Variants in DCDC2C observed in about 807,000 individuals in gnomAD.
DCDC2C encodes the protein doublecortin domain containing 2C.
A neutral mutation model predicts 45.0 loss-of-function variants in DCDC2C; 44 were observed. The ratio of observed to expected loss-of-function variants is 0.98; its 90% confidence interval spans 0.77 to 1.26. The LOEUF (loss-of-function observed/expected upper bound fraction) is 1.26. DCDC2C is among the 50% of genes most tolerant of loss of function. DCDC2C has a pLI of 0.00. For synonymous variants in DCDC2C, 187 were observed against 178.8 expected (o/e 1.05, Z -0.37); for missense variants, 447 against 468.9 (o/e 0.95, Z 0.43).
intron 9 of DCDC2C, among the ~76,000 whole-genome samples, chr2:3,779,197 A>G (rs148742082): frequency 2.9e-3 from 437 of 152,358 alleles, no homozygotes; most frequent in African/African-American, 9.7e-3. Context: ...GGGAACGTCC[A>G]GGGAGGTGAA....
intron 4 of DCDC2C, among the ~76,000 whole-genome samples, chr2:3,750,694 C>T (rs570194754): frequency 2.6e-4 from 40 of 152,234 alleles, no homozygotes; most frequent in East Asian, 9.6e-4. Flanking sequence ...AGATGTCTGC[C>T]GGCGAGTTTT....
At chr2:3,735,163 G>A (rs575600067) in intron 3 of DCDC2C, among the ~76,000 whole-genome samples, 2 of 152,054 alleles carry the variant, frequency 1.3e-5, no homozygotes, top group South Asian at 2.1e-4. Context: ...GCCACTCCAC[G>A]GTCCTTTTTG....
At chr2:3,815,527 T>C (rs11903032) in intron 10 of DCDC2C, among the ~76,000 whole-genome samples, 31,820 of 152,162 alleles carry the variant, frequency 0.21, 3,834 homozygotes, top group African/African-American at 0.33. Flanking sequence ...TTTGGGATTT[T>C]CTACTTAGAC....
At chr2:3,710,918 G>A (rs1170436226) in intron 2 of DCDC2C, among the ~76,000 whole-genome samples, 5 of 152,188 alleles carry the variant, frequency 3.3e-5, no homozygotes, top group Non-Finnish European at 7.3e-5. Flanking sequence ...TGCAATGAAT[G>A]TATGAGTGCA....
chr2:3,820,196 A>G (rs1450638982), intron 10 of DCDC2C, among the ~76,000 whole-genome samples: 2 of 152,146 alleles, frequency 1.3e-5, no homozygotes, highest in Non-Finnish European at 2.9e-5. Flanking sequence ...GGTCTTATAA[A>G]ATGGAGAAAT....
chr2:3,760,513 T>A (rs954568798), intron 6 of DCDC2C, among the ~76,000 whole-genome samples: 43 of 152,212 alleles, frequency 2.8e-4, no homozygotes, highest in African/African-American at 7.7e-4. Context: ...AAAGAATGAG[T>A]TTATGTTCTT....
chr2:3,781,761 C>T (rs1192863326), intron 9 of DCDC2C, among the ~76,000 whole-genome samples: 3 of 152,002 alleles, frequency 2.0e-5, no homozygotes, highest in African/African-American at 7.2e-5. Context: ...TCCCAGCTCC[C>T]TGGGAGGCTG....
intron 9 of DCDC2C, among the ~76,000 whole-genome samples, chr2:3,784,189 C>T (rs1258489451): frequency 1.3e-5 from 2 of 152,120 alleles, no homozygotes; most frequent in Non-Finnish European, 2.9e-5. Context: ...ATTTGTTTTA[C>T]AACATTCCTC....
intron 4 of DCDC2C, among the ~76,000 whole-genome samples, chr2:3,747,952 G>T (rs537660855): frequency 6.6e-6 from 1 of 152,282 alleles, no homozygotes; most frequent in East Asian, 1.9e-4. Flanking sequence ...CGACATTTGA[G>T]AACACATCTG....
intron 10 of DCDC2C, among the ~76,000 whole-genome samples, chr2:3,833,435 G>A (rs1672000400): frequency 1.3e-5 from 2 of 152,170 alleles, no homozygotes; most frequent in South Asian, 4.2e-4. Flanking sequence ...ACACAAGTAG[G>A]TCTTTCATTT....
At chr2:3,747,230 C>A (rs1396053228) in intron 4 of DCDC2C, among the ~76,000 whole-genome samples, 1 of 152,222 alleles carries the variant, frequency 6.6e-6, no homozygotes, top group African/African-American at 2.4e-5. Flanking sequence ...GAGCTTCCCG[C>A]CTCGGTTTCT....
chr2:3,804,272 T>C (rs1479526599), intron 10 of DCDC2C, among the ~76,000 whole-genome samples: 1 of 152,236 alleles, frequency 6.6e-6, no homozygotes, highest in East Asian at 1.9e-4. Flanking sequence ...GTTTTCAGCC[T>C]CTGCAATGGA....
At chr2:3,704,064 G>A (rs2148031989) in intron 1 of DCDC2C, 26 bp downstream of exon 1, 4 of 1,243,318 alleles carry the variant, frequency 3.2e-6, no homozygotes, top group South Asian at 3.4e-5. Flanking sequence ...CCCCCCACGC[G>A]CCCTGCGCCC....
chr2:3,773,148 G>T (rs1200751655), intron 8 of DCDC2C, among the ~76,000 whole-genome samples: 1 of 152,150 alleles, frequency 6.6e-6, no homozygotes, highest in Non-Finnish European at 1.5e-5. Context: ...AGAGGGACAG[G>T]GTTTCGGGGT....
At chr2:3,792,716 AG>A (rs752246271) in intron 10 of DCDC2C, among the ~76,000 whole-genome samples, 43 of 152,148 alleles carry the variant, frequency 2.8e-4, no homozygotes, top group Non-Finnish European at 8.8e-5. Context: ...ACACTCTGTG[AG>A]GGTACTTTTA....
intron 10 of DCDC2C, among the ~76,000 whole-genome samples, chr2:3,816,888 C>T (rs948241364): frequency 6.6e-6 from 1 of 152,146 alleles, no homozygotes; most frequent in African/African-American, 2.4e-5. Flanking sequence ...AAGTGATTTC[C>T]TTGAGGATAG....
chr2:3,798,883 C>T lies in DCDC2C; in HGVS notation c.1065+13783C>T, dbSNP rs532635073. On this transcript the variant is annotated intron_variant, in intron 10 of 10. Transcript: ENST00000399143. ...CTCTTCTTGAGGAGTATCTTTGTGG[C>T]ATTCTCTGTATTTCCTGAATCTGAA... 6.8e-3 allele frequency among the ~76,000 whole-genome samples: 1,031 copies of T among 152,076 alleles called. 3 individuals are homozygous for T. The highest frequency in any genetic ancestry group is 0.024 in the African/African-American group (978 of 41,442).
intron 10 of DCDC2C, among the ~76,000 whole-genome samples, chr2:3,815,767 C>T (rs1671541958): frequency 6.6e-6 from 1 of 152,138 alleles, no homozygotes; most frequent in African/African-American, 2.4e-5. Flanking sequence ...AGTGGGGGAG[C>T]TTCTGAGCCA....
chr2:3,774,342 C>T (rs746205627), intron 8 of DCDC2C, among the ~76,000 whole-genome samples: 11 of 152,348 alleles, frequency 7.2e-5, no homozygotes, highest in East Asian at 1.9e-4. Context: ...CAATCAGGAA[C>T]GTTTATCAGG....
Sources: allele counts gnomAD v4.1 joint callset (sites outside exome capture counted in the v4.1 genomes callset), GRCh38; gene constraint gnomAD v4.1.1; transcripts MANE v1.5; gene names NCBI Gene and HGNC (gene_info 2026-07-23, HGNC 2026-07-21).